The following VASH2 variants were observed in gnomAD, a reference collection of about 807,000 sequenced individuals.
The protein encoded by VASH2 is vasohibin 2.
In VASH2, 28 loss-of-function variants were observed where a neutral mutation model predicts 37.2. The ratio of observed to expected loss-of-function variants is 0.75; its 90% confidence interval spans 0.56 to 1.03. VASH2 has a LOEUF of 1.03. VASH2 is among the 50% of genes least tolerant of loss of function. The pLI is 0.00. For synonymous variants in VASH2, 188 were observed against 174.7 expected (o/e 1.08, Z -0.60); for missense variants, 419 against 459.1 (o/e 0.91, Z 0.80).
chr1:212,972,884 G>T lies in VASH2; in HGVS notation c.802G>T (p.Val268Phe), dbSNP rs914105883. 3 of 1,614,166 alleles carry T rather than the reference G, an allele frequency of 1.9e-6. No individual in the cohort carries two copies. Among genetic ancestry groups the T allele is most frequent in the Non-Finnish European group, 2.5e-6 (3 of 1,180,040 alleles). ...CCAGCCCATTGAGTGGAAGCAGCTG[G>T]TCCTCAACGTCTCAAAGATGCTGAG... ...SFQPIEWKQL[V>F]LNVSKMLRAD... The change falls in exon 6 of 8, where the codon GTC becomes TTC. Residue 268 changes from valine to phenylalanine, a missense_variant. Val to Phe is a conservative substitution (Grantham distance 50). Coordinates refer to ENST00000517399, the MANE Select transcript of VASH2 (RefSeq NM_001301056.2).
At chr1:212,988,471 C>T (rs1269521861) in intron 7 of VASH2, 41 bp from the exon 8 acceptor site, 3 of 1,600,978 alleles carry the variant, frequency 1.9e-6, no homozygotes, top group Non-Finnish European at 2.6e-6. Context: ...TTCTTTGCCC[C>T]ATCCCCTCTC....
At chr1:212,954,234 A>G (rs532074610) in intron 2 of VASH2, among the ~76,000 whole-genome samples, 1 of 152,018 alleles carries the variant, frequency 6.6e-6, no homozygotes, top group African/African-American at 2.4e-5. Context: ...CTTATATGTC[A>G]TAGCTCCCAG....
Position 212,972,670 on chromosome 1 carries a change from G to A in VASH2, c.588G>A (p.Leu196=). The A allele has an allele frequency of 6.2e-7, 1 of 1,614,224 alleles. No individual in the cohort carries two copies. The highest frequency in any genetic ancestry group is 8.5e-7 in the Non-Finnish European group (1 of 1,180,046). ...FSGNYFHHVV[L]GIYCNGRYGS... Reference sequence around the variant, plus strand: ...GAAACTACTTTCACCACGTTGTGCTGGGGATTTACTGCAATGGCCGCTATG... The same window carrying A: ...GAAACTACTTTCACCACGTTGTGCTAGGGATTTACTGCAATGGCCGCTATG... Residue 196 remains leucine, a synonymous_variant, in exon 6 of 8, where the codon CTG becomes CTA. Transcript: ENST00000517399.
intron 7 of VASH2, among the ~76,000 whole-genome samples, chr1:212,978,241 A>C (rs1357422300): frequency 6.6e-6 from 1 of 152,158 alleles, no homozygotes; most frequent in East Asian, 1.9e-4. Flanking sequence ...CTACTTTTTC[A>C]TGCAGCCAAG....
intron 6 of VASH2, 93 bp downstream of exon 6, chr1:212,973,054 T>C (rs1667060405): frequency 1.3e-6 from 2 of 1,496,364 alleles, no homozygotes; most frequent in South Asian, 1.3e-5. Flanking sequence ...TTTTCTAGGA[T>C]GGCCAAAAAT....
At position 212,972,811 on chromosome 1, in the gene VASH2, C is replaced by T; in HGVS notation, c.729C>T (p.Val243=). 6.2e-7 allele frequency: 1 copy of T among 1,614,210 alleles called. No individual in the cohort carries two copies. The highest frequency in any genetic ancestry group is 8.5e-7 in the Non-Finnish European group (1 of 1,180,046). Residue 243 remains valine (V), a synonymous_variant, in exon 6 of 8, where the codon GTC becomes GTT. Coordinates refer to ENST00000517399, the MANE Select transcript of VASH2 (RefSeq NM_001301056.2). ...EDSYKKYLHT[V]KKVKIGLYVP... ...CTTACAAGAAATACCTGCACACAGTCAAGAAGGTCAAGATTGGGCTGTACG... is the reference window on the plus strand; with the variant it reads ...CTTACAAGAAATACCTGCACACAGTTAAGAAGGTCAAGATTGGGCTGTACG...
chr1:212,981,306 G>T (rs1667331508), intron 7 of VASH2, among the ~76,000 whole-genome samples: 1 of 152,218 alleles, frequency 6.6e-6, no homozygotes, highest in Non-Finnish European at 1.5e-5. Context: ...GCCAGCACCG[G>T]TGCTTTCCAT....
rs999604709 is a variant in VASH2, at chr1:212,989,402, T to C, written c.*818T>C. 2 of 152,192 alleles carry C rather than the reference T, an allele frequency of 1.3e-5. No individual in the cohort carries two copies. Among genetic ancestry groups the C allele is most frequent in the African/African-American group, 4.8e-5 (2 of 41,416 alleles). 9.4% of individuals were successfully genotyped at this position (152,192 alleles called of 1,614,324 possible). A position where few individuals can be genotyped will look rare whatever the true frequency, so the allele number is the denominator to read the frequency against. ...CTAACAAAAAGCACAAGAGGTCACG[T>C]ACTATTATACAAATTTAGCGGTACT... On this transcript the variant is annotated 3_prime_UTR_variant, in exon 8 of 8. Coordinates refer to ENST00000517399, the MANE Select transcript of VASH2 (RefSeq NM_001301056.2).
intron 5 of VASH2, among the ~76,000 whole-genome samples, chr1:212,969,847 T>A (rs2102640730): frequency 6.6e-6 from 1 of 152,364 alleles, no homozygotes; most frequent in South Asian, 2.1e-4. Context: ...CTTGGCTGCT[T>A]GGACGCCTGT....
At position 212,970,619 on chromosome 1, in the gene VASH2, G is replaced by A. The variant is rs377169771; in HGVS notation, c.498-1961G>A. On this transcript the variant is annotated intron_variant, in intron 5 of 7. Transcript: ENST00000517399. ...ATGACCACCATTCCGGCCAGGCGCA[G>A]TGGCTCATGCCTGTAATCCCAACAC... Among the ~76,000 whole-genome samples, 13 of 152,320 alleles carry A rather than the reference G, an allele frequency of 8.5e-5. No individual in the cohort carries two copies. The East Asian group carries it at 2.3e-3, about 27-fold the overall frequency.
chr1:212,965,588 C>T, intron 3 of VASH2, 134 bp from the exon 4 acceptor site: 1 of 727,200 alleles, frequency 1.4e-6, no homozygotes, highest in Non-Finnish European at 2.3e-6. Flanking sequence ...TACTAGCTAC[C>T]TTCTGGGTGC....
At chr1:212,975,153 TG>T (rs35847221) in intron 7 of VASH2, among the ~76,000 whole-genome samples, 11,334 of 152,236 alleles carry the variant, frequency 0.074, 827 homozygotes, top group African/African-American at 0.19. Context: ...CAGTGAGAAA[TG>T]GGGCTGAAAC....
At chr1:212,966,838 TG>T (rs1232114698) in intron 5 of VASH2, 1 of 347,616 alleles carries the variant, frequency 2.9e-6, no homozygotes, top group African/African-American at 2.1e-5. Flanking sequence ...AGTGACCTTC[TG>T]ACCTCAGCCT....
At chr1:212,969,447 C>G (rs1016995933) in intron 5 of VASH2, among the ~76,000 whole-genome samples, 2 of 152,106 alleles carry the variant, frequency 1.3e-5, no homozygotes, top group African/African-American at 4.8e-5. Context: ...CCGCCCACCT[C>G]GGCCTCCCAA....
intron 4 of VASH2, chr1:212,966,013 G>T (rs1181185228): frequency 5.0e-6 from 3 of 600,436 alleles, no homozygotes; most frequent in African/African-American, 1.9e-5. Flanking sequence ...TGTAAACTCT[G>T]CCTCTCGAGG....
At chr1:212,957,771 C>A (rs1443311185) in intron 2 of VASH2, among the ~76,000 whole-genome samples, 2 of 152,084 alleles carry the variant, frequency 1.3e-5, no homozygotes, top group African/African-American at 4.8e-5. Context: ...CCACCATGCC[C>A]AGCTGATTTT....
At chr1:212,973,783 G>T (rs1374692409) in intron 6 of VASH2, 172 bp from the exon 7 acceptor site, 1 of 1,394,674 alleles carries the variant, frequency 7.2e-7, no homozygotes, top group Non-Finnish European at 9.3e-7. Flanking sequence ...AGTACAGGAC[G>T]AGAGAGGAAT....
rs1254347799 is a variant in VASH2 at position 212,991,416 on chromosome 1, TAAG to T, written c.*2838_*2840del. On this transcript the variant is annotated 3_prime_UTR_variant, in exon 8 of 8. Coordinates refer to ENST00000517399, the MANE Select transcript of VASH2 (RefSeq NM_001301056.2). The stretch of plus-strand genomic sequence containing the variant: ...GGCCAATACATTTTTTTTAAATCTT[TAAG>T]AAGAACTGTGATTGTTTTAGTGGGT... The T allele has an allele frequency of 1.3e-5, 2 of 152,236 alleles. No individual in the cohort carries two copies. The highest frequency in any genetic ancestry group is 1.9e-4 in the East Asian group (1 of 5,206). 9.4% of individuals were successfully genotyped at this position (152,236 alleles called of 1,614,324 possible).
chr1:212,991,561 TA>T lies in VASH2; in HGVS notation c.*2979del, dbSNP rs1356013044. ...ATGTTTCTAACACAGCATGGGACTT[TA>T]ATAAAACCATCCTGGAAACTTAAGG... On this transcript the variant is annotated 3_prime_UTR_variant, in exon 8 of 8. Transcript: ENST00000517399. The T allele has an allele frequency of 6.6e-6, 1 of 152,262 alleles. No homozygotes were observed. Among genetic ancestry groups the T allele is most frequent in the African/African-American group, 2.4e-5 (1 of 41,472 alleles). The allele number at this position is 152,262 out of a possible 1,614,324, so 9.4% of individuals were successfully genotyped here. A position where few individuals can be genotyped will look rare whatever the true frequency, so the allele number is the denominator to read the frequency against.
Sources: gnomAD v4.1 joint callset for allele counts (sites outside exome capture counted in the v4.1 genomes callset) on GRCh38, gnomAD v4.1.1 for gene constraint, MANE v1.5 for transcripts, NCBI Gene and HGNC (gene_info 2026-07-23, HGNC 2026-07-21) for gene names.